SMARCA2: variants seen among roughly 807,000 people sequenced by gnomAD.
SMARCA2 encodes the protein SWI/SNF-related matrix-associated actin-dependent regulator of chromatin subfamily A member 2.
SMARCA2 carries 61 observed loss-of-function variants against 199.8 expected under a neutral mutation model. That is an observed-to-expected ratio of 0.31 (90% CI 0.25 to 0.38). The LOEUF (loss-of-function observed/expected upper bound fraction) is 0.38, where lower values mean the gene tolerates loss of function less well. Ranked by LOEUF, SMARCA2 falls within the 10% of genes least tolerant of loss-of-function variation. The probability of loss-of-function intolerance (pLI) is 1.00; values close to 1 mark genes in which losing one functional copy is unlikely to be tolerated. For synonymous variants in SMARCA2, 935 were observed against 732.0 expected (o/e 1.28, Z -4.48); for missense variants, 1,344 against 2,012.2 (o/e 0.67, Z 6.35).
Position 2,169,386 on chromosome 9 carries a change from C to T in SMARCA2, c.4200-1033C>T, listed in dbSNP as rs1014830994. On this transcript the variant is annotated intron_variant, in intron 28 of 33. Transcript: ENST00000349721. The surrounding 1 kb of genome is among the most constrained non-coding windows in gnomAD (Gnocchi z 6.5). Reference sequence around the variant, plus strand: ...CTTCTTAGCGTAGGAGAATTGTTATCTTCCACAGTCTGAACCTTCGGATCT... The same window carrying T: ...CTTCTTAGCGTAGGAGAATTGTTATTTTCCACAGTCTGAACCTTCGGATCT... Among the ~76,000 whole-genome samples the T allele has an allele frequency of 6.6e-6, 1 of 152,176 alleles. No homozygotes were observed. Among genetic ancestry groups the T allele is most frequent in the Admixed American group, 6.5e-5 (1 of 15,286 alleles).
chr9:2,051,650 A>G (rs1820123519), intron 5 of SMARCA2, among the ~76,000 whole-genome samples: 1 of 152,254 alleles, frequency 6.6e-6, no homozygotes, highest in Admixed American at 6.5e-5. Flanking sequence ...GTAAATCAGA[A>G]TACCAAGGGA....
At chr9:2,079,429 G>T (rs1433862560) in intron 14 of SMARCA2, among the ~76,000 whole-genome samples, 2 of 152,220 alleles carry the variant, frequency 1.3e-5, no homozygotes, top group South Asian at 2.1e-4. Context: ...CCTTGCATAG[G>T]AGTGCAGAAT....
intron 27 of SMARCA2, among the ~76,000 whole-genome samples, chr9:2,155,857 C>T (rs763487936): frequency 2.8e-5 from 4 of 144,922 alleles, no homozygotes; most frequent in Non-Finnish European, 6.0e-5. Context: ...TTATGGTCAG[C>T]TTTGTACATT....
intron 1 of SMARCA2, 27 bp from the exon 2 acceptor site, chr9:2,028,960 C>G: frequency 6.6e-7 from 1 of 1,517,958 alleles, no homozygotes. Context: ...TAAAACATGC[C>G]TTCCTTTTTT....
chr9:2,079,759 T>C (rs888209414), intron 14 of SMARCA2: 2 of 152,248 alleles, frequency 1.3e-5, no homozygotes, highest in Admixed American at 1.3e-4. Context: ...TGTTAACTCA[T>C]AGCATGCTCT....
At chr9:2,155,557 A>AGGC (rs1455387799) in intron 27 of SMARCA2, among the ~76,000 whole-genome samples, 1 of 152,192 alleles carries the variant, frequency 6.6e-6, no homozygotes, top group Admixed American at 6.5e-5. Flanking sequence ...CTGGGATTAC[A>AGGC]GGCGTGAGCC....
chr9:2,113,953 G>T (rs1296392294), intron 24 of SMARCA2, among the ~76,000 whole-genome samples: 2 of 152,220 alleles, frequency 1.3e-5, no homozygotes, highest in Admixed American at 1.3e-4. Context: ...GGGAAAAAGA[G>T]TATCAGCCTT....
At chr9:2,152,561 A>T (rs537755129) in intron 27 of SMARCA2, among the ~76,000 whole-genome samples, 206 of 140,484 alleles carry the variant, frequency 1.5e-3, no homozygotes, top group Non-Finnish European at 2.5e-3. Flanking sequence ...TCAAAAATTT[A>T]AAAAATAAGG....
chr9:2,097,545 C>A, intron 21 of SMARCA2, 74 bp downstream of exon 21: 80 of 892,262 alleles, frequency 9.0e-5, no homozygotes, highest in Admixed American at 2.0e-4. Context: ...AACAAACAAA[C>A]AGGAAAAAAA....
rs183173221 is a variant in SMARCA2, at chr9:2,110,006, G to C, written c.3293-248G>C. On this transcript the variant is annotated intron_variant, in intron 23 of 33. Transcript: ENST00000349721. The surrounding 1 kb of genome is among the most constrained non-coding windows in gnomAD (Gnocchi z 4.8). ...TTTTCATTGTTTTAGGTGAGAGTAA[G>C]GATTTTGTAAAATTTGTGAAGTTGC... Among the ~76,000 whole-genome samples, 221 of 152,220 alleles carry C rather than the reference G, an allele frequency of 1.5e-3. 1 individual carries two copies. The highest frequency in any genetic ancestry group is 5.1e-3 in the African/African-American group (214 of 41,564).
At chr9:2,186,354 G>C in intron 32 of SMARCA2, 126 bp downstream of exon 32, 2 of 1,011,226 alleles carry the variant, frequency 2.0e-6, no homozygotes, top group Non-Finnish European at 2.8e-6. Context: ...ATTCCACTTT[G>C]TCCTTGCTGG....
chr9:2,076,396 G>T (rs1240128070), intron 13 of SMARCA2, 67 bp downstream of exon 13: 3 of 1,075,844 alleles, frequency 2.8e-6, no homozygotes, highest in East Asian at 2.4e-5. Flanking sequence ...TTTTCTTTTA[G>T]GAAATTTTGT....
At chr9:2,055,205 T>C (rs1820298394) in intron 6 of SMARCA2, among the ~76,000 whole-genome samples, 1 of 152,276 alleles carries the variant, frequency 6.6e-6, no homozygotes, top group Non-Finnish European at 1.5e-5. Flanking sequence ...CAATGTCTTA[T>C]AGCTTATTTA....
chr9:2,155,056 A>G (rs891213186), intron 27 of SMARCA2, among the ~76,000 whole-genome samples: 2 of 152,166 alleles, frequency 1.3e-5, no homozygotes, highest in African/African-American at 4.8e-5. Context: ...ATTCTACCCC[A>G]GGGAGCTGAG....
chr9:2,173,212 G>A (rs1826351369), intron 29 of SMARCA2, among the ~76,000 whole-genome samples: 1 of 152,294 alleles, frequency 6.6e-6, no homozygotes, highest in African/African-American at 2.4e-5. Context: ...ACATGTGCAT[G>A]TATGTAGTTA....
At chr9:2,171,866 A>G (rs536230174) in intron 29 of SMARCA2, among the ~76,000 whole-genome samples, 4 of 152,302 alleles carry the variant, frequency 2.6e-5, no homozygotes, top group Non-Finnish European at 5.9e-5. Context: ...TGGTCATGTG[A>G]CCACGAAAAG....
chr9:2,022,315 T>A (rs1818641201), intron 1 of SMARCA2, among the ~76,000 whole-genome samples: 1 of 152,226 alleles, frequency 6.6e-6, no homozygotes, highest in Non-Finnish European at 1.5e-5. Flanking sequence ...TCTTCATATC[T>A]CATATTTTAT....
In SMARCA2 at chr9:2,115,872, C is replaced by A. The variant is rs1294727047; in HGVS notation, c.3507C>A (p.Val1169=). The A allele has an allele frequency of 1.2e-6, 2 of 1,614,046 alleles. No homozygotes were observed. The highest frequency in any genetic ancestry group is 1.7e-6 in the Non-Finnish European group (2 of 1,179,982). ...RAHRIGQQNE[V]RVLRLCTVNS... is the part of the protein sequence containing the mutation. ...ACCGCATCGGGCAGCAGAACGAGGT[C>A]CGGGTACTGAGGCTCTGTACCGTGA... Residue 1169 remains valine (V), a synonymous_variant, in exon 25 of 34, where the codon GTC becomes GTA. Transcript: ENST00000349721. This position sits in a 1 kb window ranked among gnomAD's most constrained non-coding sequence, Gnocchi z 6.0.
chr9:2,147,422 G>A (rs562204770), intron 27 of SMARCA2, among the ~76,000 whole-genome samples: 1 of 152,250 alleles, frequency 6.6e-6, no homozygotes, highest in African/African-American at 2.4e-5. Flanking sequence ...TTAATTAAAA[G>A]CATATATCTG....
Sources: gnomAD v4.1 joint callset for allele counts (sites outside exome capture counted in the v4.1 genomes callset) on GRCh38, gnomAD v4.1.1 for gene constraint, Gnocchi (gnomAD v3.1) non-coding constraint, MANE v1.5 for transcripts, NCBI Gene and HGNC (gene_info 2026-07-23, HGNC 2026-07-21) for gene names.